Variants in CFH observed in about 807,000 individuals in gnomAD.
The protein encoded by CFH is complement factor H.
A neutral mutation model predicts 147.3 loss-of-function variants in CFH; 53 were observed. That is an observed-to-expected ratio of 0.36 (90% confidence interval 0.29 to 0.45). The LOEUF (loss-of-function observed/expected upper bound fraction) is 0.45, where lower values mean the gene tolerates loss of function less well. Ranked by LOEUF, CFH falls within the 20% of genes least tolerant of loss-of-function variation. CFH has a pLI of 1.00. For synonymous variants in CFH, 536 were observed against 489.4 expected, an observed-to-expected ratio of 1.10 and a Z score of -1.26; for missense variants, 1,380 against 1,498.0, an observed-to-expected ratio of 0.92 and a Z score of 1.30.
chr1:196,679,532 G>A (rs1667578279), intron 5 of CFH, 91 bp from the exon 6 acceptor site: 29 of 990,764 alleles, frequency 2.9e-5, no homozygotes, highest in Non-Finnish European at 4.2e-5. Context: ...TTACCTGATG[G>A]AAACAACATT....
At chr1:196,738,605 T>C (rs1652674171) in intron 17 of CFH, among the ~76,000 whole-genome samples, 1 of 152,244 alleles carries the variant, frequency 6.6e-6, no homozygotes, top group Non-Finnish European at 1.5e-5. Flanking sequence ...TTTGACTCCA[T>C]GTCTCACATT....
intron 7 of CFH, among the ~76,000 whole-genome samples, chr1:196,688,521 T>C (rs1345240908): frequency 2.0e-5 from 3 of 152,144 alleles, no homozygotes; most frequent in African/African-American, 7.2e-5. Flanking sequence ...ATGTTATTTT[T>C]CTGCGCGGTA....
intron 1 of CFH, among the ~76,000 whole-genome samples, chr1:196,671,710 C>T (rs1667287660): frequency 6.8e-6 from 1 of 147,896 alleles, no homozygotes; most frequent in Non-Finnish European, 1.5e-5. Flanking sequence ...ATATATTAGA[C>T]TTTTGAGATA....
At chr1:196,724,383 C>A (rs1291818406) in intron 11 of CFH, among the ~76,000 whole-genome samples, 1 of 152,050 alleles carries the variant, frequency 6.6e-6, no homozygotes, top group Non-Finnish European at 1.5e-5. Context: ...AGGCAGATGA[C>A]CCTATTCAAC....
chr1:196,696,203 A>C (rs940330493), intron 9 of CFH, among the ~76,000 whole-genome samples: 1 of 152,118 alleles, frequency 6.6e-6, no homozygotes, highest in Non-Finnish European at 1.5e-5. Flanking sequence ...CGACCATATA[A>C]TTGGAAGTAA....
At position 196,747,136 on chromosome 1, in the gene CFH, T is replaced by C. The variant is rs374657389; in HGVS notation, c.3519T>C (p.Ile1173=). The part of the protein sequence containing the change: ...CLHPCVISRE[I]MENYNIALRW... Reference sequence around the variant, plus strand: ...ATCCGTGTGTAATATCCCGAGAAATTATGGAAAATTATAACATAGCATTAA... The same window carrying C: ...ATCCGTGTGTAATATCCCGAGAAATCATGGAAAATTATAACATAGCATTAA... The change falls in exon 22 of 22, where the codon ATT becomes ATC. Residue 1173 remains isoleucine, a synonymous_variant. Transcript: ENST00000367429. 2 of 1,613,832 alleles carry C rather than the reference T, an allele frequency of 1.2e-6. No homozygotes were observed. The highest frequency in any genetic ancestry group is 1.7e-6 in the Non-Finnish European group (2 of 1,179,820).
At chr1:196,704,741 T>C (rs527338156) in intron 9 of CFH, among the ~76,000 whole-genome samples, 1 of 152,226 alleles carries the variant, frequency 6.6e-6, no homozygotes, top group Non-Finnish European at 1.5e-5. Context: ...ACAGGAAGAA[T>C]TCCTTGTTTC....
chr1:196,679,520 A>G, intron 5 of CFH, 103 bp from the exon 6 acceptor site: 1 of 870,428 alleles, frequency 1.1e-6, no homozygotes, highest in Non-Finnish European at 1.8e-6. Flanking sequence ...TGGTTGACTG[A>G]TTTACCTGAT....
At chr1:196,689,754 T>C (rs1667959873) in intron 8 of CFH, 140 bp downstream of exon 8, 3 of 926,804 alleles carry the variant, frequency 3.2e-6, no homozygotes, top group East Asian at 2.6e-5. Context: ...GTGACCAAAA[T>C]AGATCTTTTC....
intron 15 of CFH, among the ~76,000 whole-genome samples, chr1:196,733,865 C>A (rs1364819780): frequency 6.6e-6 from 1 of 152,010 alleles, no homozygotes; most frequent in Non-Finnish European, 1.5e-5. Flanking sequence ...AGAATTCAGA[C>A]CTCTAAGTAG....
chr1:196,660,253 A>G (rs775995224), intron 1 of CFH, among the ~76,000 whole-genome samples: 7 of 152,258 alleles, frequency 4.6e-5, no homozygotes, highest in Non-Finnish European at 8.8e-5. Context: ...TAAGTTTGAA[A>G]TGCTCAACAA....
intron 17 of CFH, among the ~76,000 whole-genome samples, chr1:196,739,668 G>A (rs1404369324): frequency 1.3e-5 from 2 of 152,084 alleles, no homozygotes; most frequent in South Asian, 4.1e-4. Context: ...TGTCTTCTGA[G>A]CCGTCCAACT....
intron 9 of CFH, among the ~76,000 whole-genome samples, chr1:196,699,794 T>A (rs1668396577): frequency 6.6e-6 from 1 of 152,094 alleles, no homozygotes; most frequent in African/African-American, 2.4e-5. Flanking sequence ...ATTGAAAACA[T>A]CCTCAAAAAA....
In CFH at chr1:196,745,978, T is replaced by C. The variant is rs1652989103; in HGVS notation, c.3472T>C (p.Ser1158Pro). Residue 1158 changes from serine to proline, a missense_variant, in exon 21 of 22, where the codon TCA (serine) becomes CCA (proline). Coordinates refer to ENST00000367429, the MANE Select transcript of CFH (RefSeq NM_000186.4). Reference protein sequence around the residue: ...KRITCRNGQWSEPPKCLHPCV... With the variant: ...KRITCRNGQWPEPPKCLHPCV... ...AATAACATGTAGAAATGGACAATGG[T>C]CAGAACCACCAAAATGCTTACGTAA... is the stretch of plus-strand genomic sequence containing the variant. The C allele has an allele frequency of 1.2e-6, 2 of 1,613,972 alleles. No homozygotes were observed. The highest frequency in any genetic ancestry group is 2.7e-5 in the African/African-American group (2 of 74,902).
rs1193904884 is a variant in CFH at position 196,717,297 on chromosome 1, A to G, written c.1696+1528A>G. 2.0e-5 allele frequency among the ~76,000 whole-genome samples: 3 copies of G among 152,148 alleles called. No homozygotes were observed. In the East Asian group the frequency reaches 5.8e-4, roughly 29 times the overall value. On this transcript the variant is annotated intron_variant, in intron 11 of 21. Coordinates refer to ENST00000367429, the MANE Select transcript of CFH (RefSeq NM_000186.4). Reference sequence around the variant, plus strand: ...TGTTGGTAAAATGTCACATATTTACAAACAGTTCTAATATTTCAAAGGATT... The same window carrying G: ...TGTTGGTAAAATGTCACATATTTACGAACAGTTCTAATATTTCAAAGGATT...
chr1:196,677,479 T>C lies in CFH; in HGVS notation c.431T>C (p.Val144Ala), dbSNP rs1667494922. ...ACATTACATGTATTTTCTTCAGTTG[T>C]GAAGTGTTTACCAGTGACAGCACCA... ...WTNDIPICEV[V>A]KCLPVTAPEN... The change falls in exon 5 of 22, where the codon GTG becomes GCG. Residue 144 changes from valine (V) to alanine (A), a missense_variant. Coordinates refer to ENST00000367429, the MANE Select transcript of CFH (RefSeq NM_000186.4). The C allele has an allele frequency of 6.2e-7, 1 of 1,612,852 alleles. No homozygotes were observed. The highest frequency in any genetic ancestry group is 8.5e-7 in the Non-Finnish European group (1 of 1,179,112).
chr1:196,665,703 G>A (rs1468185061), intron 1 of CFH, among the ~76,000 whole-genome samples: 1 of 152,124 alleles, frequency 6.6e-6, no homozygotes, highest in Admixed American at 6.5e-5. Flanking sequence ...CGCCTCTCAG[G>A]TTCAAGAGAT....
chr1:196,683,438 A>C (rs1219777042), intron 6 of CFH, among the ~76,000 whole-genome samples: 1 of 151,748 alleles, frequency 6.6e-6, no homozygotes, highest in Non-Finnish European at 1.5e-5. Flanking sequence ...TGAGTTAAAG[A>C]ATAAATGTGA....
At position 196,659,524 on chromosome 1, in the gene CFH, G is replaced by A. The variant is rs1425076567; in HGVS notation, c.58+7349G>A. On this transcript the variant is annotated intron_variant, in intron 1 of 21. Transcript: ENST00000367429. The stretch of plus-strand genomic sequence containing the variant: ...TCCTTGCTAAGCAGGGCTACCCATA[G>A]GCAGTGTGCCCACAGTAGCAGCTCA... 2.0e-5 allele frequency among the ~76,000 whole-genome samples: 3 copies of A among 152,158 alleles called. No homozygotes were observed. In the East Asian group the frequency reaches 5.8e-4, roughly 29 times the overall value.
Sources: gnomAD v4.1 joint callset for allele counts (sites outside exome capture counted in the v4.1 genomes callset) on GRCh38, gnomAD v4.1.1 for gene constraint, MANE v1.5 for transcripts, NCBI Gene and HGNC (gene_info 2026-07-23, HGNC 2026-07-21) for gene names.